RANBP17: variants seen among roughly 807,000 people sequenced by gnomAD.
RANBP17 encodes the protein RAN binding protein 17, also known as ran-binding protein 17.
A neutral mutation model predicts 141.2 loss-of-function variants in RANBP17; 158 were observed. That is an observed-to-expected ratio of 1.12 (90% confidence interval 0.98 to 1.28). RANBP17 has a LOEUF of 1.28. Among genes scored for constraint, RANBP17 ranks in the 50% most tolerant of loss-of-function variants. RANBP17 has a pLI of 0.00. For synonymous variants in RANBP17, 430 were observed against 450.0 expected, an observed-to-expected ratio of 0.96 and a Z score of 0.56; for missense variants, 1,438 against 1,290.7, an observed-to-expected ratio of 1.11 and a Z score of -1.75.
chr5:171,077,303 G>A (rs1165821938), intron 14 of RANBP17, among the ~76,000 whole-genome samples: 1 of 151,832 alleles, frequency 6.6e-6, no homozygotes, highest in Non-Finnish European at 1.5e-5. Context: ...TCACGCCACT[G>A]CACTCCAGCC....
intron 14 of RANBP17, among the ~76,000 whole-genome samples, chr5:171,080,321 C>G (rs1398851619): frequency 6.6e-6 from 1 of 151,862 alleles, no homozygotes; most frequent in African/African-American, 2.4e-5. Flanking sequence ...TAGGAAATGA[C>G]AGTGTAAATG....
intron 8 of RANBP17, among the ~76,000 whole-genome samples, chr5:170,915,637 C>T (rs531891976): frequency 6.6e-6 from 1 of 152,088 alleles, no homozygotes; most frequent in South Asian, 2.1e-4. Context: ...CGTAAAGTAC[C>T]TACCTTTTCC....
chr5:170,907,729 A>T (rs952052945), intron 5 of RANBP17, among the ~76,000 whole-genome samples: 12 of 152,034 alleles, frequency 7.9e-5, no homozygotes, highest in African/African-American at 1.9e-4. Context: ...GCGAAATAAT[A>T]TATGAAGAAT....
chr5:170,966,284 A>G (rs1776556895), intron 13 of RANBP17, among the ~76,000 whole-genome samples: 1 of 152,178 alleles, frequency 6.6e-6, no homozygotes, highest in Non-Finnish European at 1.5e-5. Flanking sequence ...CATTGATGCA[A>G]AAATCCTCAA....
At chr5:171,028,886 C>T in intron 14 of RANBP17, 1 of 1,285,348 alleles carries the variant, frequency 7.8e-7, no homozygotes, top group Non-Finnish European at 1.0e-6. Context: ...CAGACATCTT[C>T]CTGTGAAGGG....
chr5:170,906,547 A>G (rs1018611880), intron 5 of RANBP17, among the ~76,000 whole-genome samples: 1 of 152,000 alleles, frequency 6.6e-6, no homozygotes, highest in Non-Finnish European at 1.5e-5. Flanking sequence ...GGGCTCACCC[A>G]TTGTAGACTT....
intron 14 of RANBP17, among the ~76,000 whole-genome samples, chr5:171,128,482 G>A (rs1756661963): frequency 6.6e-6 from 1 of 152,146 alleles, no homozygotes; most frequent in Admixed American, 6.5e-5. Flanking sequence ...GAGATCTAAA[G>A]TAGAATGATG....
At chr5:171,004,131 G>A (rs1463850071) in intron 14 of RANBP17, among the ~76,000 whole-genome samples, 3 of 152,110 alleles carry the variant, frequency 2.0e-5, no homozygotes, top group Admixed American at 6.5e-5. Flanking sequence ...GTTGTGGGAT[G>A]GGATACTGGC....
chr5:171,151,654 TGA>T (rs1758488157), intron 14 of RANBP17, among the ~76,000 whole-genome samples: 1 of 152,212 alleles, frequency 6.6e-6, no homozygotes, highest in Non-Finnish European at 1.5e-5. Flanking sequence ...GAAGCCTTAA[TGA>T]GAGACAGTTA....
chr5:171,226,200 T>C (rs2127985780), intron 22 of RANBP17, among the ~76,000 whole-genome samples: 1 of 152,326 alleles, frequency 6.6e-6, no homozygotes, highest in South Asian at 2.1e-4. Flanking sequence ...TTTGGAAACC[T>C]ACTTCTCAGT....
chr5:170,903,851 CT>C, intron 5 of RANBP17: 1 of 458,520 alleles, frequency 2.2e-6, no homozygotes, highest in Non-Finnish European at 4.3e-6. Flanking sequence ...ACCTAACAAG[CT>C]CCGCAAGATT....
At chr5:171,026,031 A>G (rs926787079) in intron 14 of RANBP17, among the ~76,000 whole-genome samples, 1 of 152,240 alleles carries the variant, frequency 6.6e-6, no homozygotes, top group Non-Finnish European at 1.5e-5. Flanking sequence ...CGACAGCACC[A>G]AGCACATTTT....
At chr5:170,918,909 C>T in intron 10 of RANBP17, 50 bp downstream of exon 10, 1 of 1,261,382 alleles carries the variant, frequency 7.9e-7, no homozygotes, top group Non-Finnish European at 1.1e-6. Context: ...TTTAAAACAG[C>T]TTCTTGGTAA....
chr5:170,971,979 T>C (rs1260774719), intron 14 of RANBP17, among the ~76,000 whole-genome samples: 1 of 152,148 alleles, frequency 6.6e-6, no homozygotes, highest in Non-Finnish European at 1.5e-5. Flanking sequence ...GCTTCAGATC[T>C]GTATATTTTT....
At chr5:171,169,926 C>T (rs538377211) in intron 14 of RANBP17, among the ~76,000 whole-genome samples, 2 of 151,606 alleles carry the variant, frequency 1.3e-5, no homozygotes, top group African/African-American at 4.8e-5. Context: ...TTATATATTT[C>T]AAAATAGGAG....
intron 14 of RANBP17, among the ~76,000 whole-genome samples, chr5:171,058,566 G>A (rs1783573872): frequency 6.6e-6 from 1 of 151,296 alleles, no homozygotes; most frequent in South Asian, 2.1e-4. Flanking sequence ...TATCATTGTT[G>A]GACATTTGGG....
chr5:171,001,716 G>A (rs1779210340), intron 14 of RANBP17, among the ~76,000 whole-genome samples: 1 of 152,036 alleles, frequency 6.6e-6, no homozygotes. Context: ...GATGGTAAGG[G>A]GTACAAAGTT....
At chr5:171,061,959 T>A (rs1330621372) in intron 14 of RANBP17, among the ~76,000 whole-genome samples, 2 of 152,000 alleles carry the variant, frequency 1.3e-5, no homozygotes, top group Non-Finnish European at 2.9e-5. Context: ...AACGTCTGTT[T>A]TATCAGAGAC....
chr5:171,209,632 G>A (rs1228868857), intron 20 of RANBP17, among the ~76,000 whole-genome samples: 1 of 152,202 alleles, frequency 6.6e-6, no homozygotes, highest in Non-Finnish European at 1.5e-5. Flanking sequence ...AGAGATGCAT[G>A]CAAAGGGCTA....
Sources: gnomAD v4.1 joint callset for allele counts (sites outside exome capture counted in the v4.1 genomes callset) on GRCh38, gnomAD v4.1.1 for gene constraint, MANE v1.5 for transcripts, NCBI Gene and HGNC (gene_info 2026-07-23, HGNC 2026-07-21) for gene names.